DCAF5: variants seen among roughly 807,000 people sequenced by gnomAD.
The protein encoded by DCAF5 is DDB1 and CUL4 associated factor 5, also known as DDB1- and CUL4-associated factor 5.
Under a neutral mutation model 80.7 loss-of-function variants are expected in DCAF5, and 9 were observed. The ratio of observed to expected loss-of-function variants is 0.11; its 90% CI spans 0.07 to 0.19. DCAF5 has a LOEUF of 0.19. Among genes scored for constraint, DCAF5 ranks in the 10% least tolerant of loss-of-function variants. DCAF5 has a pLI of 1.00. For missense variants in DCAF5, 842 were observed against 1,205.7 expected, an observed-to-expected ratio of 0.70 and a Z score of 4.47; for synonymous variants, 433 against 461.9, an observed-to-expected ratio of 0.94 and a Z score of 0.80.
intron 1 of DCAF5, among the ~76,000 whole-genome samples, chr14:69,126,732 G>A (rs1481423428): frequency 6.6e-6 from 1 of 152,136 alleles, no homozygotes; most frequent in Non-Finnish European, 1.5e-5. Context: ...GAACAAAACA[G>A]AGGGGCCAAA....
At chr14:69,064,390 A>T (rs1163889204) in intron 7 of DCAF5, among the ~76,000 whole-genome samples, 1 of 152,206 alleles carries the variant, frequency 6.6e-6, no homozygotes. Flanking sequence ...TAAATCTAGT[A>T]ACAGTCTCTT....
At position 69,083,894 on chromosome 14, in the gene DCAF5, G is replaced by A. The variant is rs2039214296; in HGVS notation, c.879+7780C>T. 1.8e-5 allele frequency: 14 copies of A among 773,940 alleles called. 1 individual carries two copies. The highest frequency in any genetic ancestry group is 1.5e-4 in the South Asian group (11 of 73,664). The allele number at this position is 773,940 out of a possible 1,614,324, so 47.9% of individuals were successfully genotyped here. A position where few individuals can be genotyped will look rare whatever the true frequency, so the allele number is the denominator to read the frequency against. Reference sequence around the variant, plus strand: ...CCCAGCCTGCCCCTGGGACTGACAGGAGCTTTTGAGGATACTTCATTTGCT... The same window carrying A: ...CCCAGCCTGCCCCTGGGACTGACAGAAGCTTTTGAGGATACTTCATTTGCT... On this transcript the variant is annotated intron_variant, in intron 6 of 8. Coordinates refer to ENST00000341516, the MANE Select transcript of DCAF5 (RefSeq NM_003861.3).
intron 6 of DCAF5, chr14:69,090,195 G>T: frequency 1.3e-6 from 1 of 791,784 alleles, no homozygotes; most frequent in Non-Finnish European, 1.5e-6. Context: ...AGGAAGAGAG[G>T]GAGAGACTTG....
chr14:69,113,171 A>C (rs2040428689), intron 5 of DCAF5, among the ~76,000 whole-genome samples: 1 of 152,102 alleles, frequency 6.6e-6, no homozygotes, highest in South Asian at 2.1e-4. Flanking sequence ...TCAAGCATTG[A>C]CTAATACATA....
intron 5 of DCAF5, among the ~76,000 whole-genome samples, chr14:69,105,912 G>GTC (rs2034629149): frequency 5.0e-5 from 1 of 20,002 alleles, no homozygotes; most frequent in Non-Finnish European, 1.6e-4. Context: ...CTAATAAACT[G>GTC]TCATATATAT....
chr14:69,123,871 C>T (rs1319501113), intron 1 of DCAF5, among the ~76,000 whole-genome samples: 1 of 151,916 alleles, frequency 6.6e-6, no homozygotes. Flanking sequence ...GCTAATTTTT[C>T]GTATTTTTAG....
rs2037951621 is a variant in DCAF5 at position 69,055,891 on chromosome 14, G to C, written c.1075-280C>G. On this transcript the variant is annotated intron_variant, in intron 8 of 8. Coordinates refer to ENST00000341516, the MANE Select transcript of DCAF5 (RefSeq NM_003861.3). This position sits in a 1 kb window ranked among gnomAD's most constrained non-coding sequence, Gnocchi z 5.6. Reference sequence around the variant, plus strand: ...TACCTAAGTCCTGTCTCTTGGCCCAGGGTAATCACATACTTTCTCCACCAG... The same window carrying C: ...TACCTAAGTCCTGTCTCTTGGCCCACGGTAATCACATACTTTCTCCACCAG... Among the ~76,000 whole-genome samples the C allele has an allele frequency of 6.6e-6, 1 of 152,264 alleles. No homozygotes were observed. Among genetic ancestry groups the C allele is most frequent in the Non-Finnish European group, 1.5e-5 (1 of 68,016 alleles).
chr14:69,063,058 T>A (rs977967810), intron 7 of DCAF5, among the ~76,000 whole-genome samples: 3 of 151,914 alleles, frequency 2.0e-5, no homozygotes, highest in African/African-American at 7.3e-5. Flanking sequence ...AGAATACTTT[T>A]CCCCCCGATA....
chr14:69,056,874 CCA>C (rs1366692427), intron 8 of DCAF5, among the ~76,000 whole-genome samples: 1 of 152,206 alleles, frequency 6.6e-6, no homozygotes, highest in African/African-American at 2.4e-5. Flanking sequence ...CATCTCTCCA[CCA>C]GTTTCCAACT....
chr14:69,099,959 A>C (rs941951106), intron 5 of DCAF5, among the ~76,000 whole-genome samples: 2 of 152,190 alleles, frequency 1.3e-5, no homozygotes, highest in Non-Finnish European at 2.9e-5. Flanking sequence ...TTTGCAGAAA[A>C]GAAGTTCAAA....
At chr14:69,062,844 C>T (rs1027902676) in intron 7 of DCAF5, among the ~76,000 whole-genome samples, 5 of 152,098 alleles carry the variant, frequency 3.3e-5, no homozygotes, top group African/African-American at 1.2e-4. Flanking sequence ...TTAGAAAAGG[C>T]CAACCATGAG....
In DCAF5 at chr14:69,152,859, G is replaced by A. The variant is rs1398001359; in HGVS notation, c.120C>T (p.Gly40=). 1 of 1,614,148 alleles carries A rather than the reference G, an allele frequency of 6.2e-7. No homozygotes were observed. Among genetic ancestry groups the A allele is most frequent in the Non-Finnish European group, 8.5e-7 (1 of 1,179,996 alleles). The change falls in exon 1 of 9, where the codon GGC becomes GGT. Residue 40 remains glycine, a synonymous_variant. Coordinates refer to ENST00000341516, the MANE Select transcript of DCAF5 (RefSeq NM_003861.3). This position sits in a 1 kb window ranked among gnomAD's most constrained non-coding sequence, Gnocchi z 4.1. ...TQDFQRRRLR[G]CRNLYKKDLL... ...GGTCCTTCTTGTAGAGGTTTCTGCA[G>A]CCCCGCAGGCGTCTCCTCTGAAAGT... is the stretch of plus-strand genomic sequence containing the variant.
chr14:69,114,109 T>A (rs2140048633), intron 5 of DCAF5, among the ~76,000 whole-genome samples: 1 of 152,326 alleles, frequency 6.6e-6, no homozygotes, highest in East Asian at 1.9e-4. Flanking sequence ...TGGAGACACA[T>A]GCAATCTTAT....
intron 7 of DCAF5, among the ~76,000 whole-genome samples, chr14:69,072,947 A>G (rs2038754724): frequency 6.6e-6 from 1 of 152,232 alleles, no homozygotes; most frequent in Non-Finnish European, 1.5e-5. Flanking sequence ...AACCAACCAT[A>G]GCCTATGTGG....
intron 8 of DCAF5, among the ~76,000 whole-genome samples, chr14:69,057,270 A>C (rs1277149079): frequency 6.6e-6 from 1 of 152,202 alleles, no homozygotes; most frequent in African/African-American, 2.4e-5. Flanking sequence ...CTATCTCTGC[A>C]AAGAGATGTC....
chr14:69,078,373 C>T (rs2038977244), intron 6 of DCAF5, among the ~76,000 whole-genome samples: 2 of 152,060 alleles, frequency 1.3e-5, no homozygotes, highest in African/African-American at 4.8e-5. Context: ...CTATGAAAAA[C>T]AAAACAAAGA....
chr14:69,083,643 T>TA, intron 6 of DCAF5: 2 of 583,760 alleles, frequency 3.4e-6, no homozygotes, highest in Non-Finnish European at 6.4e-6. Context: ...ATATAAAAGT[T>TA]AAAAAATCTC....
intron 1 of DCAF5, among the ~76,000 whole-genome samples, chr14:69,129,235 G>A (rs1037304664): frequency 2.6e-5 from 4 of 152,110 alleles, no homozygotes; most frequent in African/African-American, 4.8e-5. Context: ...AAAAATCATC[G>A]CTGTGATGGG....
At position 69,053,189 on chromosome 14, in the gene DCAF5, CATT is replaced by C. The variant is rs1566710796; in HGVS notation, c.*665_*667del. The C allele has an allele frequency of 1.3e-5, 2 of 152,248 alleles. No individual in the cohort carries two copies. The highest frequency in any genetic ancestry group is 4.8e-5 in the African/African-American group (2 of 41,460). The allele number at this position is 152,248 out of a possible 1,614,324, so 9.4% of individuals were successfully genotyped here. ...ATCTGATCTTAAGTGCTAAACCTCT[CATT>C]AGCATTAAAAATTCTTTTTTATAGT... On this transcript the variant is annotated 3_prime_UTR_variant, in exon 9 of 9. Transcript: ENST00000341516.
Sources: gnomAD v4.1 joint callset for allele counts (sites outside exome capture counted in the v4.1 genomes callset) on GRCh38, gnomAD v4.1.1 for gene constraint, Gnocchi (gnomAD v3.1) non-coding constraint, MANE v1.5 for transcripts, NCBI Gene and HGNC (gene_info 2026-07-23, HGNC 2026-07-21) for gene names.